Variants in USP20 observed in about 807,000 individuals in gnomAD.
The protein encoded by USP20 is ubiquitin specific peptidase 20, also known as ubiquitin carboxyl-terminal hydrolase 20.
USP20 carries 80 observed loss-of-function variants against 124.2 expected under a neutral mutation model. The ratio of observed to expected loss-of-function variants is 0.64; its 90% CI spans 0.54 to 0.78. The LOEUF is 0.78. USP20 is among the 30% of genes least tolerant of loss of function. The probability of loss-of-function intolerance (pLI) is 0.00; values close to 1 mark genes in which losing one functional copy is unlikely to be tolerated. For missense variants in USP20, 1,043 were observed against 1,244.4 expected (o/e 0.84, Z 2.44); for synonymous variants, 481 against 512.3 (o/e 0.94, Z 0.83).
chr9:129,876,029 G>C (rs1343201869), intron 21 of USP20, 101 bp from the exon 22 acceptor site: 2 of 1,050,004 alleles, frequency 1.9e-6, no homozygotes, highest in Non-Finnish European at 2.8e-6. Flanking sequence ...ACAGCGCTGA[G>C]GGGGCACTGA....
In USP20 at chr9:129,873,626, C is replaced by T. The variant is rs1023787278; in HGVS notation, c.1695-73C>T. On this transcript the variant is annotated intron_variant, in intron 16 of 25. Transcript: ENST00000372429. ...TAATCCTGCCTTCCCAGAAGGGAGC[C>T]GGGTGGAGGGCTGCTTCCCTGGCCC... is the stretch of plus-strand genomic sequence containing the variant. The T allele has an allele frequency of 2.2e-5, 36 of 1,613,186 alleles. No homozygotes were observed. In the African/African-American group the frequency reaches 2.8e-4, roughly 13 times the overall value.
At chr9:129,856,238 A>G in intron 3 of USP20, 69 bp from the exon 4 acceptor site, 1 of 1,492,662 alleles carries the variant, frequency 6.7e-7, no homozygotes, top group Admixed American at 1.7e-5. Context: ...AGGCAGGAGC[A>G]GTCTCAGTGC....
At chr9:129,871,990 A>G (rs2034151080) in intron 15 of USP20, among the ~76,000 whole-genome samples, 1 of 151,982 alleles carries the variant, frequency 6.6e-6, no homozygotes, top group South Asian at 2.1e-4. Flanking sequence ...TGCTGGGATT[A>G]CCGGCGTGAG....
At chr9:129,861,422 A>ATG in intron 7 of USP20, 121 bp from the exon 8 acceptor site, 1 of 871,188 alleles carries the variant, frequency 1.1e-6, no homozygotes, top group East Asian at 2.5e-5. Context: ...CGCTTCCACC[A>ATG]TGTCCTCTTC....
At chr9:129,864,902 G>A (rs529617213) in intron 9 of USP20, among the ~76,000 whole-genome samples, 1 of 152,168 alleles carries the variant, frequency 6.6e-6, no homozygotes, top group South Asian at 2.1e-4. Context: ...GAAATCTAAT[G>A]GTAAGTATCT....
At position 129,875,668 on chromosome 9, in the gene USP20, T is replaced by C. The variant is rs761902893; in HGVS notation, c.2300+27T>C. The C allele has an allele frequency of 7.5e-6, 12 of 1,608,314 alleles. No homozygotes were observed. The African/African-American group carries it at 1.2e-4, about 16-fold the overall frequency. On this transcript the variant is annotated intron_variant, in intron 21 of 25. Coordinates refer to ENST00000372429, the MANE Select transcript of USP20 (RefSeq NM_001110303.4). ...TGAGAGCCTGGGAGGCCAACTTGTC[T>C]CCGTCCTGTCCAGGGCCCAGCTGGG...
At position 129,877,405 on chromosome 9, in the gene USP20, G is replaced by A. The variant is rs537352449; in HGVS notation, c.2410-933G>A. Reference sequence around the variant, plus strand: ...ATGGTGATGTGTACCTGTAGTCCCCGCTACCTGGAGGGCTGAGTGAGTTGG... The same window carrying A: ...ATGGTGATGTGTACCTGTAGTCCCCACTACCTGGAGGGCTGAGTGAGTTGG... On this transcript the variant is annotated intron_variant, in intron 22 of 25. Transcript: ENST00000372429. Among the ~76,000 whole-genome samples the A allele has an allele frequency of 2.5e-4, 38 of 152,256 alleles. No homozygotes were observed. In the South Asian group the frequency reaches 7.5e-3, roughly 30 times the overall value.
At chr9:129,880,350 C>G in intron 25 of USP20, 61 bp downstream of exon 25, 1 of 1,481,272 alleles carries the variant, frequency 6.8e-7, no homozygotes, top group South Asian at 1.3e-5. Flanking sequence ...TCTCCAGAGA[C>G]CCTCACATGT....
Position 129,865,383 on chromosome 9 carries a change from T to C in USP20, c.690+2T>C, listed in dbSNP as rs373263811. The C allele has an allele frequency of 1.5e-5, 24 of 1,614,016 alleles. No individual in the cohort carries two copies. The highest frequency in any genetic ancestry group is 1.9e-5 in the Non-Finnish European group (23 of 1,179,978). Reference sequence around the variant, plus strand: ...ATGTTCCGAGGCTATGCCCAGCAGGTAAGCCATCTGAGCTGCCCAGGGGAC... The same window carrying C: ...ATGTTCCGAGGCTATGCCCAGCAGGCAAGCCATCTGAGCTGCCCAGGGGAC... On this transcript the variant is annotated splice_donor_variant, in intron 10 of 25. Coordinates refer to ENST00000372429, the MANE Select transcript of USP20 (RefSeq NM_001110303.4). LOFTEE classifies it high-confidence loss of function.
At chr9:129,851,518 CAT>C (rs1392218286) in intron 2 of USP20, among the ~76,000 whole-genome samples, 7 of 151,648 alleles carry the variant, frequency 4.6e-5, no homozygotes, top group East Asian at 1.9e-4. Flanking sequence ...TGTAGGCACT[CAT>C]GTGTGTTCAG....
chr9:129,879,156 C>T lies in USP20; in HGVS notation c.2513-417C>T, dbSNP rs79314143. 0.014 allele frequency among the ~76,000 whole-genome samples: 2,057 copies of T among 152,368 alleles called. 23 individuals carry two copies. Among genetic ancestry groups the T allele is most frequent in the Middle Eastern group, 0.031 (9 of 294 alleles). ...TCCGGAGCCCTCGCCCTGGCCTGGA[C>T]GCTGGCCTTGCCTTCTACCAGCTAT... On this transcript the variant is annotated intron_variant, in intron 23 of 25. Coordinates refer to ENST00000372429, the MANE Select transcript of USP20 (RefSeq NM_001110303.4). This position sits in a 1 kb window ranked among gnomAD's most constrained non-coding sequence, Gnocchi z 4.2.
intron 15 of USP20, among the ~76,000 whole-genome samples, chr9:129,872,417 T>G (rs2034170543): frequency 6.6e-6 from 1 of 152,220 alleles, no homozygotes; most frequent in South Asian, 2.1e-4. Context: ...CCTCCCAAAG[T>G]GCTGGGATTA....
At position 129,856,269 on chromosome 9, in the gene USP20, T is replaced by C. The variant is rs1183371807; in HGVS notation, c.82-38T>C. 2.5e-6 allele frequency: 4 copies of C among 1,608,144 alleles called. No homozygotes were observed. In the East Asian group the frequency reaches 8.9e-5, roughly 36 times the overall value. ...AGTGCTCAGCCCCGCAACGGGCTCC[T>C]CATGCCTGCTCTTTTTCTCTCCTCT... On this transcript the variant is annotated intron_variant, in intron 3 of 25. Coordinates refer to ENST00000372429, the MANE Select transcript of USP20 (RefSeq NM_001110303.4).
In USP20 at chr9:129,873,519, A is replaced by G; in HGVS notation, c.1694+4A>G. On this transcript the variant is annotated splice_donor_region_variant and intron_variant, in intron 16 of 25. Coordinates refer to ENST00000372429, the MANE Select transcript of USP20 (RefSeq NM_001110303.4). ...ACAGCTGTGAGCGGTGTAAGAAGTA[A>G]GTGAGCCTTCCCCCGCCTTCTCCCT... 1 of 1,614,164 alleles carries G rather than the reference A, an allele frequency of 6.2e-7. No homozygotes were observed. Among genetic ancestry groups the G allele is most frequent in the Non-Finnish European group, 8.5e-7 (1 of 1,180,018 alleles).
chr9:129,848,709 G>A (rs746106077), intron 1 of USP20, among the ~76,000 whole-genome samples: 17 of 150,970 alleles, frequency 1.1e-4, no homozygotes, highest in African/African-American at 3.4e-4. Context: ...CCAGCCACCC[G>A]ACTGGAGAGA....
chr9:129,835,801 C>T (rs2031781988), intron 1 of USP20: 1 of 152,348 alleles, frequency 6.6e-6, no homozygotes, highest in Non-Finnish European at 1.5e-5. Context: ...GCGTTGAAAG[C>T]ATCCGCGTGG....
At chr9:129,844,110 C>T (rs921321916) in intron 1 of USP20, among the ~76,000 whole-genome samples, 6 of 151,996 alleles carry the variant, frequency 3.9e-5, no homozygotes, top group African/African-American at 1.5e-4. Context: ...TTCTCAGTGC[C>T]TTCTTTATAA....
chr9:129,869,865 C>A (rs1324837004), intron 14 of USP20, 21 bp downstream of exon 14: 1 of 1,578,994 alleles, frequency 6.3e-7, no homozygotes, highest in South Asian at 1.1e-5. Flanking sequence ...CTTGCCACTA[C>A]TGGGCGACAT....
chr9:129,842,334 C>T (rs553967004), intron 1 of USP20, among the ~76,000 whole-genome samples: 14 of 152,244 alleles, frequency 9.2e-5, no homozygotes, highest in African/African-American at 3.4e-4. Flanking sequence ...GTGTAGGAAA[C>T]AGAGGTGCTG....
Sources: gnomAD v4.1 joint callset for allele counts (sites outside exome capture counted in the v4.1 genomes callset) on GRCh38, gnomAD v4.1.1 for gene constraint, Gnocchi (gnomAD v3.1) non-coding constraint, MANE v1.5 for transcripts, NCBI Gene and HGNC (gene_info 2026-07-23, HGNC 2026-07-21) for gene names.